Variants in DOCK5 observed in about 807,000 individuals in gnomAD.
DOCK5 encodes dedicator of cytokinesis 5, also known as dedicator of cytokinesis protein 5.
Under a neutral mutation model 251.8 loss-of-function variants are expected in DOCK5, and 142 were observed. That is an observed-to-expected ratio of 0.56 (90% CI 0.49 to 0.65). The LOEUF is 0.65. Ranked by LOEUF, DOCK5 falls within the 30% of genes least tolerant of loss-of-function variation. DOCK5 has a pLI of 0.00. For missense variants in DOCK5, 2,111 were observed against 2,312.3 expected, an observed-to-expected ratio of 0.91 and a Z score of 1.79; for synonymous variants, 842 against 835.5, an observed-to-expected ratio of 1.01 and a Z score of -0.13.
chr8:25,299,170 G>A (rs186296634), intron 8 of DOCK5, 69 bp downstream of exon 8: 71 of 1,532,732 alleles, frequency 4.6e-5, no homozygotes, highest in Middle Eastern at 1.8e-4. Context: ...ACCCCTACCC[G>A]GGCAGCTCTT....
intron 12 of DOCK5, 42 bp from the exon 13 acceptor site, chr8:25,310,365 A>C (rs949197043): frequency 3.2e-6 from 5 of 1,573,252 alleles, no homozygotes; most frequent in Non-Finnish European, 4.3e-6. Context: ...TGTTTTATAC[A>C]TCATACAAAG....
In DOCK5 at chr8:25,411,216, G is replaced by A. The variant is rs150394074; in HGVS notation, c.5531G>A (p.Arg1844Gln). The change falls in exon 52 of 52, where the codon CGA becomes CAA. Residue 1844 changes from arginine to glutamine, a missense_variant. This residue lies in a region of DOCK5 where 1,717 missense variants were observed against 1,892.4 expected (regional missense o/e 0.91). Transcript: ENST00000276440. ...STELAPPLPV[R>Q]REAKAPPPPP... ...CAGCTCGCTCCCCCACTGCCTGTCC[G>A]AAGAGAAGCCAAAGCACCACCCCCT... 526 of 1,591,142 alleles carry A rather than the reference G, an allele frequency of 3.3e-4. 1 individual carries two copies. The Middle Eastern group carries it at 5.3e-3, about 16-fold the overall frequency.
In DOCK5 at chr8:25,412,188, G is replaced by GGGT. The variant is rs2117355652; in HGVS notation, c.*892_*894dup. On this transcript the variant is annotated 3_prime_UTR_variant, in exon 52 of 52. Coordinates refer to ENST00000276440, the MANE Select transcript of DOCK5 (RefSeq NM_024940.8). ...GCAGTTTCTTTTCTAAAACCCATTTGGGTGACTCAGCAGCCGCATCTGCTA... is the reference window on the plus strand; with the variant it reads ...GCAGTTTCTTTTCTAAAACCCATTTGGGTGGTGACTCAGCAGCCGCATCTGCTA... 1 of 141,278 alleles carries GGGT rather than the reference G, an allele frequency of 7.1e-6. No homozygotes were observed. The highest frequency in any genetic ancestry group is 2.3e-4 in the South Asian group (1 of 4,380). 8.8% of individuals were successfully genotyped at this position (141,278 alleles called of 1,614,324 possible).
At chr8:25,391,740 C>T (rs1434482805) in intron 42 of DOCK5, 156 bp from the exon 43 acceptor site, 1 of 510,844 alleles carries the variant, frequency 2.0e-6, no homozygotes, top group Non-Finnish European at 3.4e-6. Context: ...AAATTGTACA[C>T]TTTCTCAGGC....
chr8:25,281,636 T>A (rs1307244183), intron 5 of DOCK5, among the ~76,000 whole-genome samples: 1 of 151,130 alleles, frequency 6.6e-6, no homozygotes, highest in Non-Finnish European at 1.5e-5. Flanking sequence ...ATCCCAGCAC[T>A]TTGGGAGGCT....
intron 2 of DOCK5, among the ~76,000 whole-genome samples, chr8:25,254,627 T>C (rs1208452353): frequency 1.3e-5 from 2 of 151,658 alleles, no homozygotes; most frequent in Non-Finnish European, 1.5e-5. Flanking sequence ...TGCTAAAAAT[T>C]AGCCGGGCGT....
intron 16 of DOCK5, among the ~76,000 whole-genome samples, chr8:25,322,907 T>A (rs1285150743): frequency 6.6e-6 from 1 of 152,148 alleles, no homozygotes; most frequent in East Asian, 1.9e-4. Context: ...TTGGTCTATG[T>A]TCATAACAGC....
At chr8:25,284,924 G>A (rs1804292533) in intron 5 of DOCK5, among the ~76,000 whole-genome samples, 1 of 152,156 alleles carries the variant, frequency 6.6e-6, no homozygotes, top group African/African-American at 2.4e-5. Flanking sequence ...GTGTTTGGAT[G>A]CCATAAACAT....
chr8:25,216,253 A>G (rs1427321615), intron 1 of DOCK5, among the ~76,000 whole-genome samples: 41 of 24,934 alleles, frequency 1.6e-3, no homozygotes, highest in South Asian at 4.0e-3. Context: ...TACAATATGT[A>G]TATATGTATA....
chr8:25,407,988 T>C lies in DOCK5; in HGVS notation c.5099T>C (p.Ile1700Thr). 6.2e-7 allele frequency: 1 copy of C among 1,611,674 alleles called. No individual in the cohort carries two copies. The highest frequency in any genetic ancestry group is 2.2e-5 in the East Asian group (1 of 44,846). The change falls in exon 49 of 52, where the codon ATC becomes ACC. Residue 1700 changes from isoleucine to threonine, a missense_variant. Ile to Thr is a moderately conservative substitution (Grantham distance 89). This residue lies in a region of DOCK5 where 1,717 missense variants were observed against 1,892.4 expected (regional missense o/e 0.91). Transcript: ENST00000276440. ...TCCTTGTTCCTGGCCAATAGCTCAA[T>C]CTTGGAGCCACTTTTGGAGCGCAGG... is the stretch of plus-strand genomic sequence containing the variant. ...APSRPGSDGS[I>T]LEPLLERRAS... is the part of the protein sequence containing the mutation.
intron 13 of DOCK5, among the ~76,000 whole-genome samples, chr8:25,315,479 A>T (rs2252107): frequency 5.0e-4 from 76 of 152,200 alleles, no homozygotes; most frequent in Admixed American, 1.7e-3. Flanking sequence ...GGCTCACCAT[A>T]GCCACCCAGA....
intron 1 of DOCK5, among the ~76,000 whole-genome samples, chr8:25,186,666 A>C (rs1413378463): frequency 3.3e-5 from 5 of 151,642 alleles, no homozygotes; most frequent in Admixed American, 2.0e-4. Flanking sequence ...GTCATGAGCC[A>C]CCTCACCTGG....
chr8:25,246,981 G>A (rs1803134167), intron 2 of DOCK5, among the ~76,000 whole-genome samples: 1 of 151,822 alleles, frequency 6.6e-6, no homozygotes, highest in African/African-American at 2.4e-5. Flanking sequence ...TGAGCTCCTG[G>A]GCTCAAGCTA....
intron 5 of DOCK5, among the ~76,000 whole-genome samples, chr8:25,281,771 C>T (rs955760045): frequency 2.0e-5 from 3 of 149,920 alleles, no homozygotes; most frequent in South Asian, 2.1e-4. Flanking sequence ...CCCAGCTACT[C>T]GGGAGGCTGA....
intron 11 of DOCK5, 81 bp downstream of exon 11, chr8:25,304,408 T>C (rs1186237354): frequency 3.3e-6 from 4 of 1,213,792 alleles, no homozygotes; most frequent in Admixed American, 5.5e-5. Flanking sequence ...AAACAGGTGT[T>C]AGAAACCATT....
chr8:25,244,496 A>C (rs888799362), intron 2 of DOCK5, among the ~76,000 whole-genome samples: 1 of 152,254 alleles, frequency 6.6e-6, no homozygotes, highest in Non-Finnish European at 1.5e-5. Context: ...GACCAAACCA[A>C]GAACTATGTT....
intron 1 of DOCK5, among the ~76,000 whole-genome samples, chr8:25,202,084 G>A (rs1801894428): frequency 6.6e-6 from 1 of 151,920 alleles, no homozygotes. Context: ...TGGCACAATC[G>A]TGGCTCACTG....
At chr8:25,379,453 C>T (rs183518340) in intron 38 of DOCK5, among the ~76,000 whole-genome samples, 83 of 152,174 alleles carry the variant, frequency 5.5e-4, no homozygotes, top group Non-Finnish European at 9.7e-4. Context: ...TGTTTTTGCC[C>T]GACCCCGCAG....
chr8:25,306,807 A>G (rs1804949930), intron 11 of DOCK5, among the ~76,000 whole-genome samples: 1 of 152,232 alleles, frequency 6.6e-6, no homozygotes, highest in Non-Finnish European at 1.5e-5. Context: ...ATCATGCATC[A>G]CTTAATGGCA....
Sources: gnomAD v4.1 joint callset for allele counts (sites outside exome capture counted in the v4.1 genomes callset) on GRCh38, gnomAD v4.1.1 for gene constraint, gnomAD v4.1.1 regional missense constraint, MANE v1.5 for transcripts, NCBI Gene and HGNC (gene_info 2026-07-23, HGNC 2026-07-21) for gene names.